Variants in TBCK observed in about 807,000 individuals in gnomAD.
TBCK encodes TBC1 domain containing kinase.
In TBCK, 99 loss-of-function variants were observed where a neutral mutation model predicts 113.4. That is an observed-to-expected ratio of 0.87 (90% confidence interval 0.74 to 1.03). The LOEUF (loss-of-function observed/expected upper bound fraction) is 1.03. Ranked by LOEUF, TBCK falls within the 50% of genes least tolerant of loss-of-function variation. The probability of loss-of-function intolerance (pLI) is 0.00; values close to 1 mark genes in which losing one functional copy is unlikely to be tolerated. For missense variants in TBCK, 1,045 were observed against 1,061.3 expected (o/e 0.98, Z 0.21); for synonymous variants, 369 against 370.8 (o/e 1.00, Z 0.05).
At chr4:106,095,929 TAA>T (rs1740846840) in intron 24 of TBCK, among the ~76,000 whole-genome samples, 1 of 152,178 alleles carries the variant, frequency 6.6e-6, no homozygotes, top group Non-Finnish European at 1.5e-5. Context: ...TAACTACACT[TAA>T]AGAGGTTCTA....
intron 5 of TBCK, among the ~76,000 whole-genome samples, chr4:106,252,386 TTAG>T (rs140710269): frequency 0.14 from 21,362 of 151,832 alleles, 1,679 homozygotes; most frequent in South Asian, 0.25. Flanking sequence ...GTATTTATTT[TTAG>T]TAGTAAGAAT....
At chr4:106,097,997 A>G (rs1042985047) in intron 24 of TBCK, among the ~76,000 whole-genome samples, 7 of 152,062 alleles carry the variant, frequency 4.6e-5, no homozygotes, top group Admixed American at 6.6e-5. Context: ...ATGTTGAGAT[A>G]AGCACATTTT....
chr4:106,146,746 A>G (rs1747851552), intron 23 of TBCK, among the ~76,000 whole-genome samples: 1 of 152,160 alleles, frequency 6.6e-6, no homozygotes, highest in Non-Finnish European at 1.5e-5. Flanking sequence ...GGCTGTGGCT[A>G]CGGCAGCTTC....
intron 3 of TBCK, among the ~76,000 whole-genome samples, chr4:106,291,978 C>T (rs770475849): frequency 9.9e-5 from 15 of 152,186 alleles, no homozygotes; most frequent in Non-Finnish European, 2.1e-4. Context: ...GGAGGATATG[C>T]ATGAGGATAT....
chr4:106,107,976 A>G (rs1742375782), intron 24 of TBCK, among the ~76,000 whole-genome samples: 1 of 151,816 alleles, frequency 6.6e-6, no homozygotes, highest in African/African-American at 2.4e-5. Flanking sequence ...AAATAACCAT[A>G]TGCTCTATGT....
intron 23 of TBCK, among the ~76,000 whole-genome samples, chr4:106,129,462 T>G (rs936727643): frequency 2.0e-5 from 3 of 152,132 alleles, no homozygotes; most frequent in Admixed American, 6.5e-5. Flanking sequence ...TTCTTAAGTA[T>G]AAAGAAATGA....
At position 106,308,795 on chromosome 4, in the gene TBCK, A is replaced by G. The variant is rs574161082; in HGVS notation, c.166T>C (p.Tyr56His). The G allele has an allele frequency of 6.2e-7, 1 of 1,613,954 alleles. No homozygotes were observed. The highest frequency in any genetic ancestry group is 1.1e-5 in the South Asian group (1 of 90,992). ...KTITHPRLCQ[Y>H]VDISRGKHER... ...TGCTTTCCCCTAGAAATATCCACAT[A>G]CTGGCAGAGTCTGGGATGGGTGATG... The change falls in exon 2 of 26, where the codon TAT becomes CAT. Residue 56 changes from tyrosine (Y) to histidine (H), a missense_variant. Transcript: ENST00000394708.
At chr4:106,094,721 G>A (rs1353291662) in intron 25 of TBCK, among the ~76,000 whole-genome samples, 1 of 152,088 alleles carries the variant, frequency 6.6e-6, no homozygotes, top group Non-Finnish European at 1.5e-5. Flanking sequence ...TGGTAAATTT[G>A]GGAAGGCTCA....
intron 23 of TBCK, among the ~76,000 whole-genome samples, chr4:106,155,915 A>G (rs1749069612): frequency 6.6e-6 from 1 of 152,040 alleles, no homozygotes; most frequent in African/African-American, 2.4e-5. Flanking sequence ...TAGTGAGGTC[A>G]TGCTTTCCTG....
chr4:106,116,454 T>A, intron 23 of TBCK, 76 bp from the exon 24 acceptor site: 1 of 1,194,184 alleles, frequency 8.4e-7, no homozygotes, highest in Non-Finnish European at 1.2e-6. Context: ...ATAGAATATC[T>A]TGATACCAAA....
chr4:106,258,901 C>G (rs906981630), intron 5 of TBCK, among the ~76,000 whole-genome samples: 4 of 151,816 alleles, frequency 2.6e-5, no homozygotes, highest in African/African-American at 9.7e-5. Context: ...AAATTGTAGA[C>G]TGTCTTTGCA....
chr4:106,268,456 T>C (rs1763181389), intron 3 of TBCK, among the ~76,000 whole-genome samples: 1 of 152,074 alleles, frequency 6.6e-6, no homozygotes, highest in Non-Finnish European at 1.5e-5. Flanking sequence ...TTAAAATACA[T>C]ATATAAAATA....
intron 2 of TBCK, 43 bp from the exon 3 acceptor site, chr4:106,295,209 A>G (rs754455138): frequency 5.7e-6 from 9 of 1,575,908 alleles, no homozygotes; most frequent in South Asian, 5.6e-5. Flanking sequence ...TTATCAATAC[A>G]ACATGTTAAA....
intron 20 of TBCK, among the ~76,000 whole-genome samples, chr4:106,197,119 C>G (rs1385511365): frequency 6.6e-6 from 1 of 152,008 alleles, no homozygotes; most frequent in Non-Finnish European, 1.5e-5. Flanking sequence ...GCCCAATTTA[C>G]TGCATGCAAA....
rs915555203 is a variant in TBCK, at chr4:106,118,869, G to C, written c.2236-2491C>G. 5.9e-5 allele frequency among the ~76,000 whole-genome samples: 9 copies of C among 152,280 alleles called. No homozygotes were observed. In the South Asian group the frequency reaches 1.7e-3, roughly 28 times the overall value. The stretch of plus-strand genomic sequence containing the variant: ...AGAGTATTGCTATATGAAATGGTAA[G>C]AAGAGAAGGAGAGGAATTGCTGACA... On this transcript the variant is annotated intron_variant, in intron 23 of 25. Transcript: ENST00000394708.
intron 24 of TBCK, among the ~76,000 whole-genome samples, chr4:106,108,196 AT>A (rs1742402225): frequency 6.6e-6 from 1 of 152,194 alleles, no homozygotes; most frequent in Non-Finnish European, 1.5e-5. Flanking sequence ...AGCTGGTACC[AT>A]TCCTACTGTG....
intron 17 of TBCK, among the ~76,000 whole-genome samples, chr4:106,232,446 CT>C (rs1053512625): frequency 6.6e-6 from 1 of 151,406 alleles, no homozygotes; most frequent in Non-Finnish European, 1.5e-5. Flanking sequence ...GTTTCTCATT[CT>C]TTATCAAACA....
intron 3 of TBCK, among the ~76,000 whole-genome samples, chr4:106,276,334 C>T (rs572549607): frequency 3.2e-4 from 48 of 152,244 alleles, no homozygotes; most frequent in African/African-American, 9.6e-4. Flanking sequence ...TTCATGACTT[C>T]GGAGTAGGCA....
chr4:106,212,813 C>G lies in TBCK; in HGVS notation c.1797G>C (p.Gln599His). ...GCTCTGGATCATGAAATGCAATCAT[C>G]TGAGAGAAGACAGTCAGATACTCTG... ...VIQEYLTVFSQMIAFHDPELS... is the reference protein window; with the variant it reads ...VIQEYLTVFSHMIAFHDPELS... The change falls in exon 20 of 26, where the codon CAG (glutamine) becomes CAC (histidine). Residue 599 changes from glutamine (Q) to histidine (H), a missense_variant. Transcript: ENST00000394708. The G allele has an allele frequency of 6.2e-7, 1 of 1,612,316 alleles. No individual in the cohort carries two copies. Among genetic ancestry groups the G allele is most frequent in the Non-Finnish European group, 8.5e-7 (1 of 1,179,006 alleles).
Sources: gnomAD v4.1 joint callset for allele counts (sites outside exome capture counted in the v4.1 genomes callset) on GRCh38, gnomAD v4.1.1 for gene constraint, MANE v1.5 for transcripts, NCBI Gene and HGNC (gene_info 2026-07-23, HGNC 2026-07-21) for gene names.